The following CNTN5 variants were observed in gnomAD, a reference collection of about 807,000 sequenced individuals.
CNTN5 encodes contactin 5, also known as contactin-5.
In CNTN5, 77 loss-of-function variants were observed where a neutral mutation model predicts 129.1. The observed-to-expected ratio is 0.60, with a 90% CI of 0.50 to 0.72. The LOEUF (loss-of-function observed/expected upper bound fraction) is 0.72. CNTN5 is among the 30% of genes least tolerant of loss of function. The probability of loss-of-function intolerance (pLI) is 0.00; values close to 1 mark genes in which losing one functional copy is unlikely to be tolerated. For missense variants in CNTN5, 1,478 were observed against 1,328.8 expected (o/e 1.11, Z -1.75); for synonymous variants, 509 against 465.6 (o/e 1.09, Z -1.20).
intron 1 of CNTN5, among the ~76,000 whole-genome samples, chr11:99,245,224 AAAGT>A (rs1412645712): frequency 1.3e-5 from 2 of 152,212 alleles, no homozygotes; most frequent in Non-Finnish European, 2.9e-5. Context: ...TTCTGGTACA[AAAGT>A]AAGTAATACC....
chr11:99,843,897 T>C (rs1947595883), intron 4 of CNTN5, among the ~76,000 whole-genome samples: 1 of 152,214 alleles, frequency 6.6e-6, no homozygotes, highest in Admixed American at 6.5e-5. Flanking sequence ...CAATTCACTA[T>C]GCTATAGATC....
In CNTN5 at chr11:100,072,936, C is replaced by A. The variant is rs1283122647; in HGVS notation, c.1429+1102C>A. ...CCTGAAACATTTCTCAAACCCTTAT[C>A]ATTCACAAGAAATATTTTCAAAATT... On this transcript the variant is annotated intron_variant, in intron 12 of 24. Coordinates refer to ENST00000524871, the MANE Select transcript of CNTN5 (RefSeq NM_014361.4). Among the ~76,000 whole-genome samples, 3 of 125,214 alleles carry A rather than the reference C, an allele frequency of 2.4e-5. No homozygotes were observed. In the East Asian group the frequency reaches 8.1e-4, roughly 34 times the overall value. 82.1% of individuals were successfully genotyped at this position (125,214 alleles called of 152,430 possible).
At chr11:100,325,308 T>A (rs1951769060) in intron 21 of CNTN5, among the ~76,000 whole-genome samples, 1 of 152,188 alleles carries the variant, frequency 6.6e-6, no homozygotes, top group Non-Finnish European at 1.5e-5. Context: ...ATATCTGTCC[T>A]CTAACCCTCA....
At chr11:99,665,655 T>G (rs1341852926) in intron 3 of CNTN5, among the ~76,000 whole-genome samples, 3 of 151,532 alleles carry the variant, frequency 2.0e-5, no homozygotes, top group Non-Finnish European at 2.9e-5. Context: ...CCCGGCTAAT[T>G]TTTGTATTTT....
At chr11:100,327,831 T>C (rs149368045) in intron 21 of CNTN5, among the ~76,000 whole-genome samples, 1,683 of 152,150 alleles carry the variant, frequency 0.011, 30 homozygotes, top group African/African-American at 0.039. Context: ...AACTGATTAA[T>C]AGAAAGACAA....
At chr11:99,526,400 T>A (rs894679586) in intron 2 of CNTN5, among the ~76,000 whole-genome samples, 51 of 152,232 alleles carry the variant, frequency 3.4e-4, no homozygotes, top group Admixed American at 1.8e-3. Context: ...TCAGAAATCA[T>A]GCTTTTTACT....
At chr11:99,231,024 T>G (rs1438958559) in intron 1 of CNTN5, among the ~76,000 whole-genome samples, 5 of 152,200 alleles carry the variant, frequency 3.3e-5, no homozygotes, top group Non-Finnish European at 7.3e-5. Context: ...ATGGTATATA[T>G]GTGCCATATT....
At chr11:99,775,773 G>A (rs1304414966) in intron 3 of CNTN5, among the ~76,000 whole-genome samples, 5 of 150,284 alleles carry the variant, frequency 3.3e-5, no homozygotes, top group Non-Finnish European at 7.4e-5. Flanking sequence ...TATTTTAAGT[G>A]AAGTTTCCAC....
intron 1 of CNTN5, among the ~76,000 whole-genome samples, chr11:99,176,639 G>C (rs867808994): frequency 2.0e-5 from 3 of 152,152 alleles, no homozygotes; most frequent in Admixed American, 6.6e-5. Flanking sequence ...ATCATTTCCA[G>C]TGTGTCAGCA....
chr11:99,175,966 C>G (rs1246882792), intron 1 of CNTN5, among the ~76,000 whole-genome samples: 4 of 152,184 alleles, frequency 2.6e-5, no homozygotes, highest in Admixed American at 6.5e-5. Flanking sequence ...CAACTCAAGA[C>G]ACTATTATCT....
At chr11:99,894,966 G>T (rs775456148) in intron 6 of CNTN5, among the ~76,000 whole-genome samples, 17 of 152,134 alleles carry the variant, frequency 1.1e-4, no homozygotes, top group Non-Finnish European at 1.9e-4. Context: ...TTCTTGACAT[G>T]CCCCAAGCAT....
At chr11:99,937,466 C>T (rs767677455) in intron 7 of CNTN5, among the ~76,000 whole-genome samples, 2 of 152,162 alleles carry the variant, frequency 1.3e-5, no homozygotes, top group South Asian at 4.1e-4. Context: ...ACTGGCTGAC[C>T]TCGCTCAATC....
At chr11:100,315,883 G>T (rs1951564386) in intron 21 of CNTN5, among the ~76,000 whole-genome samples, 1 of 152,174 alleles carries the variant, frequency 6.6e-6, no homozygotes, top group Non-Finnish European at 1.5e-5. Context: ...TATGTGAAAT[G>T]TCTAGCTTAT....
At chr11:99,244,815 G>C (rs1861736111) in intron 1 of CNTN5, among the ~76,000 whole-genome samples, 1 of 152,132 alleles carries the variant, frequency 6.6e-6, no homozygotes, top group Non-Finnish European at 1.5e-5. Context: ...GACTCAATAG[G>C]TCTTGGAGGA....
At chr11:100,104,004 A>T (rs774805754) in intron 13 of CNTN5, among the ~76,000 whole-genome samples, 2 of 152,186 alleles carry the variant, frequency 1.3e-5, no homozygotes, top group Non-Finnish European at 2.9e-5. Context: ...TTTGTCAAGT[A>T]GAATGGAAAT....
chr11:99,350,522 G>C (rs79440224), intron 2 of CNTN5, among the ~76,000 whole-genome samples: 2,229 of 152,162 alleles, frequency 0.015, 41 homozygotes, highest in African/African-American at 0.05. Flanking sequence ...ACCAAAGAAA[G>C]TTTATTCATA....
chr11:99,596,027 C>T (rs1950115857), intron 3 of CNTN5, among the ~76,000 whole-genome samples: 1 of 152,094 alleles, frequency 6.6e-6, no homozygotes, highest in Admixed American at 6.6e-5. Context: ...TCAAGACACG[C>T]TTTAAAGTTT....
chr11:99,936,183 G>T (rs1003282563), intron 7 of CNTN5, among the ~76,000 whole-genome samples: 1 of 152,120 alleles, frequency 6.6e-6, no homozygotes, highest in Non-Finnish European at 1.5e-5. Flanking sequence ...ATTTGCAGGG[G>T]TTATTAAAAA....
chr11:99,025,006 A>G (rs776182502), intron 1 of CNTN5, among the ~76,000 whole-genome samples: 1 of 151,986 alleles, frequency 6.6e-6, no homozygotes, highest in Non-Finnish European at 1.5e-5. Context: ...TCTTTTTCTA[A>G]GTGGTTCTTA....
Sources: gnomAD v4.1 joint callset for allele counts (sites outside exome capture counted in the v4.1 genomes callset) on GRCh38, gnomAD v4.1.1 for gene constraint, MANE v1.5 for transcripts, NCBI Gene and HGNC (gene_info 2026-07-23, HGNC 2026-07-21) for gene names.